The following STK33 variants were observed in gnomAD, a reference collection of about 807,000 sequenced individuals.
The protein encoded by STK33 is serine/threonine kinase 33.
A neutral mutation model predicts 58.0 loss-of-function variants in STK33; 52 were observed. The observed-to-expected ratio is 0.90, with a 90% CI of 0.72 to 1.13. STK33 has a LOEUF of 1.13. Ranked by LOEUF, STK33 falls within the 50% of genes most tolerant of loss-of-function variation. STK33 has a pLI of 0.00. For missense variants in STK33, 630 were observed against 604.2 expected, an observed-to-expected ratio of 1.04 and a Z score of -0.45; for synonymous variants, 215 against 200.1, an observed-to-expected ratio of 1.07 and a Z score of -0.63.
intron 1 of STK33, among the ~76,000 whole-genome samples, chr11:8,589,685 T>C (rs946045080): frequency 3.3e-5 from 5 of 152,150 alleles, no homozygotes; most frequent in Non-Finnish European, 7.4e-5. Context: ...GGTGCAACTA[T>C]AAAAAGGAGC....
intron 1 of STK33, among the ~76,000 whole-genome samples, chr11:8,496,900 A>G (rs1314209680): frequency 6.6e-6 from 1 of 152,022 alleles, no homozygotes; most frequent in Non-Finnish European, 1.5e-5. Flanking sequence ...TATGTTAGGT[A>G]GCATCCCCCA....
chr11:8,359,493 C>T, the STK33 span, among the ~76,000 whole-genome samples: 1 of 152,296 alleles, frequency 6.6e-6, no homozygotes, highest in Admixed American at 6.5e-5. Context: ...AGGTCCAATG[C>T]TGGGGAAAAC....
intron 1 of STK33, among the ~76,000 whole-genome samples, chr11:8,537,441 C>G (rs941615831): frequency 4.6e-5 from 7 of 152,246 alleles, no homozygotes; most frequent in Admixed American, 4.6e-4. Context: ...CTCACTGAAG[C>G]ATTTTTTACC....
chr11:8,497,250 C>G (rs1457407456), intron 1 of STK33, among the ~76,000 whole-genome samples: 1 of 152,016 alleles, frequency 6.6e-6, no homozygotes, highest in Non-Finnish European at 1.5e-5. Flanking sequence ...ATCCAAGAAG[C>G]TCAAAAAAAC....
At chr11:8,469,017 G>A (rs945993746) in intron 6 of STK33, among the ~76,000 whole-genome samples, 1 of 152,178 alleles carries the variant, frequency 6.6e-6, no homozygotes, top group African/African-American at 2.4e-5. Context: ...TGCTGGTGGA[G>A]GGTCCTGCCT....
At chr11:8,432,995 TA>T (rs1171143032) in intron 14 of STK33, among the ~76,000 whole-genome samples, 3 of 152,108 alleles carry the variant, frequency 2.0e-5, no homozygotes, top group Non-Finnish European at 4.4e-5. Flanking sequence ...AGAAAACAAA[TA>T]ATTAAATGGC....
chr11:8,468,020 T>A (rs1373618667), intron 6 of STK33, among the ~76,000 whole-genome samples: 15 of 152,068 alleles, frequency 9.9e-5, no homozygotes, highest in Admixed American at 9.8e-4. Context: ...ATTTACTGTA[T>A]TAGTCCATTT....
At chr11:8,593,881 T>C (rs1474015305) in intron 1 of STK33, 1 of 152,300 alleles carries the variant, frequency 6.6e-6, no homozygotes, top group Non-Finnish European at 1.5e-5. Context: ...TACCAACGGC[T>C]GGGCCCCAGG....
intron 4 of STK33, 73 bp from the exon 5 acceptor site, chr11:8,475,139 T>C (rs1256415177): frequency 4.9e-6 from 2 of 412,344 alleles, no homozygotes; most frequent in African/African-American, 2.1e-5. Flanking sequence ...AGAGAAAAGC[T>C]AGCAACTAGC....
chr11:8,413,964 G>C (rs1223522443), intron 14 of STK33, among the ~76,000 whole-genome samples: 1 of 152,168 alleles, frequency 6.6e-6, no homozygotes, highest in Non-Finnish European at 1.5e-5. Context: ...CTTGTGCAAA[G>C]AACACTACAC....
chr11:8,593,632 G>C (rs2032964823), intron 1 of STK33: 1 of 152,164 alleles, frequency 6.6e-6, no homozygotes. Flanking sequence ...ACTATCTTAA[G>C]GGCAACAGGA....
Position 8,461,867 on chromosome 11 carries a change from T to A in STK33, c.496A>T (p.Ile166Phe). 6.2e-7 allele frequency: 1 copy of A among 1,601,744 alleles called. No individual in the cohort carries two copies. The highest frequency in any genetic ancestry group is 8.5e-7 in the Non-Finnish European group (1 of 1,175,292). The change falls in exon 8 of 16, where the codon ATT (isoleucine) becomes TTT (phenylalanine). Residue 166 changes from isoleucine to phenylalanine, a missense_variant. Ile to Phe is a conservative substitution (Grantham distance 21). Coordinates refer to ENST00000687296, the MANE Select transcript of STK33 (RefSeq NM_001352389.2). ...TGTTCATGTTTTACACTTTTCAGAA[T>A]GTTCACCTCTCGTTCAAGTAACTTC... ...AVKLLEREVN[I>F]LKSVKHEHII...
chr11:8,509,368 C>T (rs1418382332), intron 1 of STK33, among the ~76,000 whole-genome samples: 1 of 152,092 alleles, frequency 6.6e-6, no homozygotes, highest in Non-Finnish European at 1.5e-5. Flanking sequence ...GAAATCAGCA[C>T]TTCAAACATA....
intron 15 of STK33, among the ~76,000 whole-genome samples, chr11:8,400,536 A>G (rs1208465275): frequency 1.3e-5 from 2 of 152,214 alleles, no homozygotes; most frequent in Admixed American, 6.5e-5. Flanking sequence ...AAAAACTGGA[A>G]GCATTCCCTT....
At chr11:8,423,077 A>G (rs546828552) in intron 14 of STK33, among the ~76,000 whole-genome samples, 1 of 151,520 alleles carries the variant, frequency 6.6e-6, no homozygotes, top group Non-Finnish European at 1.5e-5. Context: ...CCTGGACTCA[A>G]GCAATCCACC....
intron 6 of STK33, chr11:8,465,158 T>C (rs1948025406): frequency 5.6e-6 from 1 of 178,092 alleles, no homozygotes; most frequent in African/African-American, 2.4e-5. Context: ...ATGATTTATA[T>C]ATATACACAC....
chr11:8,431,609 T>C (rs188710533), intron 14 of STK33, among the ~76,000 whole-genome samples: 9 of 152,276 alleles, frequency 5.9e-5, no homozygotes, highest in African/African-American at 2.2e-4. Flanking sequence ...TAGTACCTGA[T>C]GGATTAAATA....
intron 1 of STK33, among the ~76,000 whole-genome samples, chr11:8,585,588 A>C (rs1218029715): frequency 2.0e-5 from 3 of 152,046 alleles, no homozygotes; most frequent in African/African-American, 4.8e-5. Context: ...TTAATTAACT[A>C]CAAATTGTGT....
At chr11:8,368,946 C>A in the STK33 span, among the ~76,000 whole-genome samples, 4 of 152,146 alleles carry the variant, frequency 2.6e-5, no homozygotes, top group South Asian at 4.2e-4. Flanking sequence ...CCCCATTACA[C>A]AGCTGTTACC....
Sources: gnomAD v4.1 joint callset for allele counts (sites outside exome capture counted in the v4.1 genomes callset) on GRCh38, gnomAD v4.1.1 for gene constraint, MANE v1.5 for transcripts, NCBI Gene and HGNC (gene_info 2026-07-23, HGNC 2026-07-21) for gene names.